The following COL26A1 variants were observed in gnomAD, a reference collection of about 807,000 sequenced individuals.
COL26A1 encodes the protein collagen type XXVI alpha 1 chain.
In COL26A1, 41 loss-of-function variants were observed where a neutral mutation model predicts 59.3. The ratio of observed to expected loss-of-function variants is 0.69; its 90% CI spans 0.54 to 0.90. The LOEUF (loss-of-function observed/expected upper bound fraction) is 0.90, where lower values mean the gene tolerates loss of function less well. Ranked by LOEUF, COL26A1 falls within the 40% of genes least tolerant of loss-of-function variation. The pLI is 0.00. For missense variants in COL26A1, 612 were observed against 602.3 expected (o/e 1.02, Z -0.17); for synonymous variants, 266 against 256.0 (o/e 1.04, Z -0.37).
At chr7:101,502,560 C>G in intron 3 of COL26A1, among the ~76,000 whole-genome samples, 1 of 152,214 alleles carries the variant, frequency 6.6e-6, no homozygotes. Context: ...TAAGGCCCCT[C>G]AGGGACTGGC....
At chr7:101,494,008 G>A (rs961495355) in intron 3 of COL26A1, among the ~76,000 whole-genome samples, 2 of 152,056 alleles carry the variant, frequency 1.3e-5, no homozygotes, top group African/African-American at 4.8e-5. Flanking sequence ...CAGTAAGGCT[G>A]ACAACTTTCA....
At chr7:101,382,967 C>T (rs1056907726) in intron 1 of COL26A1, among the ~76,000 whole-genome samples, 11 of 151,998 alleles carry the variant, frequency 7.2e-5, no homozygotes, top group African/African-American at 2.2e-4. Context: ...ACTTGAGCCC[C>T]GGAGGCAGAG....
chr7:101,532,730 C>G (rs1795394814), intron 3 of COL26A1, among the ~76,000 whole-genome samples: 1 of 152,168 alleles, frequency 6.6e-6, no homozygotes, highest in African/African-American at 2.4e-5. Context: ...CATCAATTGT[C>G]AGATATTTTT....
At chr7:101,501,100 C>T (rs62465085) in intron 3 of COL26A1, among the ~76,000 whole-genome samples, 35,566 of 147,340 alleles carry the variant, frequency 0.24, 4,869 homozygotes, top group Middle Eastern at 0.32. Context: ...GCAGGAGAAT[C>T]GCTTGTACTG....
intron 3 of COL26A1, among the ~76,000 whole-genome samples, chr7:101,469,108 C>G (rs1793833635): frequency 6.6e-6 from 1 of 152,216 alleles, no homozygotes; most frequent in East Asian, 1.9e-4. Context: ...CTCTGAGTTT[C>G]AGACCTGCCT....
intron 1 of COL26A1, among the ~76,000 whole-genome samples, chr7:101,368,497 T>A (rs1215652349): frequency 6.6e-6 from 1 of 152,264 alleles, no homozygotes; most frequent in East Asian, 1.9e-4. Flanking sequence ...CCATAGGCAG[T>A]GTGCCCAGAC....
intron 2 of COL26A1, among the ~76,000 whole-genome samples, chr7:101,436,560 C>T (rs548415184): frequency 1.3e-5 from 2 of 152,068 alleles, no homozygotes; most frequent in East Asian, 2.0e-4. Flanking sequence ...TCTGAGCAGG[C>T]GATCCCTGGA....
chr7:101,550,994 C>G (rs1216737239), intron 9 of COL26A1, 114 bp from the exon 10 acceptor site: 22 of 1,220,268 alleles, frequency 1.8e-5, no homozygotes. Flanking sequence ...ATCCTCCTCT[C>G]CCTTCCTCTT....
At chr7:101,443,776 C>T (rs1488610629) in intron 2 of COL26A1, among the ~76,000 whole-genome samples, 1 of 151,638 alleles carries the variant, frequency 6.6e-6, no homozygotes, top group Non-Finnish European at 1.5e-5. Flanking sequence ...TGAAACTTTA[C>T]GATGGGATTC....
intron 2 of COL26A1, among the ~76,000 whole-genome samples, chr7:101,425,246 G>A (rs907740480): frequency 6.8e-6 from 1 of 147,826 alleles, no homozygotes; most frequent in Admixed American, 6.7e-5. Flanking sequence ...TTAGCCAGGC[G>A]TGGTGGCGGG....
At chr7:101,511,033 T>TG (rs1794912614) in intron 3 of COL26A1, among the ~76,000 whole-genome samples, 1 of 151,852 alleles carries the variant, frequency 6.6e-6, no homozygotes, top group Non-Finnish European at 1.5e-5. Context: ...CCCGAGTAGC[T>TG]GGGACTACAG....
chr7:101,537,255 G>A (rs1186843055), intron 4 of COL26A1, among the ~76,000 whole-genome samples: 1 of 152,126 alleles, frequency 6.6e-6, no homozygotes, highest in Non-Finnish European at 1.5e-5. Context: ...GGCCAGCAGG[G>A]TACCGGGGAA....
chr7:101,398,929 G>A (rs1791927109), intron 1 of COL26A1, among the ~76,000 whole-genome samples: 1 of 152,134 alleles, frequency 6.6e-6, no homozygotes, highest in Non-Finnish European at 1.5e-5. Flanking sequence ...TGCTTACCCA[G>A]GTGTGGAGTG....
intron 3 of COL26A1, among the ~76,000 whole-genome samples, chr7:101,454,196 TC>T (rs1322803784): frequency 6.6e-6 from 1 of 151,986 alleles, no homozygotes; most frequent in East Asian, 1.9e-4. Flanking sequence ...ACACCCTGGC[TC>T]CCTGTTTCCC....
chr7:101,389,371 T>A (rs112092433), intron 1 of COL26A1, among the ~76,000 whole-genome samples: 14 of 141,300 alleles, frequency 9.9e-5, no homozygotes, highest in African/African-American at 3.6e-4. Context: ...GATGTATGAT[T>A]TGCACATTTT....
At chr7:101,504,825 G>GTA (rs998709180) in intron 3 of COL26A1, among the ~76,000 whole-genome samples, 1 of 152,136 alleles carries the variant, frequency 6.6e-6, no homozygotes, top group Non-Finnish European at 1.5e-5. Context: ...GTGTGTGTGT[G>GTA]TATGTGTGTG....
At chr7:101,533,295 T>C (rs1349415970) in intron 4 of COL26A1, among the ~76,000 whole-genome samples, 152 bp downstream of exon 4, 1 of 152,116 alleles carries the variant, frequency 6.6e-6, no homozygotes. Context: ...TACTGGGTAC[T>C]GTTCAGGCCT....
intron 1 of COL26A1, among the ~76,000 whole-genome samples, chr7:101,411,612 G>A (rs1584384292): frequency 6.6e-6 from 1 of 152,132 alleles, no homozygotes; most frequent in Admixed American, 6.6e-5. Flanking sequence ...CTCCAAGCTG[G>A]AGGAGCAAGT....
At chr7:101,557,194 T>A (rs984646898) in intron 12 of COL26A1, among the ~76,000 whole-genome samples, 176 bp from the exon 13 acceptor site, 1 of 152,174 alleles carries the variant, frequency 6.6e-6, no homozygotes, top group Non-Finnish European at 1.5e-5. Flanking sequence ...AGTGAATGAA[T>A]GGATGGATGC....
Sources: allele counts gnomAD v4.1 joint callset (sites outside exome capture counted in the v4.1 genomes callset), GRCh38; gene constraint gnomAD v4.1.1; transcripts MANE v1.5; gene names NCBI Gene and HGNC (gene_info 2026-07-23, HGNC 2026-07-21).